The following TEX2 variants were observed in gnomAD, a reference collection of about 807,000 sequenced individuals.
TEX2 encodes the protein testis expressed 2, also known as testis-expressed protein 2.
In TEX2, 53 loss-of-function variants were observed where a neutral mutation model predicts 106.9. The ratio of observed to expected loss-of-function variants is 0.50; its 90% CI spans 0.40 to 0.62. The LOEUF (loss-of-function observed/expected upper bound fraction) is 0.62. Among genes scored for constraint, TEX2 ranks in the 20% least tolerant of loss-of-function variants. The pLI, the probability that TEX2 is intolerant of heterozygous loss-of-function variation, is 0.00. For missense variants in TEX2, 1,207 were observed against 1,379.0 expected, an observed-to-expected ratio of 0.88 and a Z score of 1.98; for synonymous variants, 523 against 534.8, an observed-to-expected ratio of 0.98 and a Z score of 0.30.
At chr17:64,244,669 C>T (rs1381357072) in intron 1 of TEX2, among the ~76,000 whole-genome samples, 1 of 152,190 alleles carries the variant, frequency 6.6e-6, no homozygotes, top group Non-Finnish European at 1.5e-5. Flanking sequence ...CCCCTGCCCC[C>T]TCAACAAACT....
At chr17:64,232,823 G>A (rs902811414) in intron 1 of TEX2, among the ~76,000 whole-genome samples, 3 of 152,212 alleles carry the variant, frequency 2.0e-5, no homozygotes, top group Non-Finnish European at 4.4e-5. Context: ...CATAGTTTCT[G>A]TTAAGCCTTT....
At position 64,213,742 on chromosome 17, in the gene TEX2, CT is replaced by C; in HGVS notation, c.475del (p.Ser159ValfsTer31). 6.2e-7 allele frequency: 1 copy of C among 1,614,082 alleles called. No homozygotes were observed. Among genetic ancestry groups the C allele is most frequent in the Non-Finnish European group, 8.5e-7 (1 of 1,180,024 alleles). On this transcript the variant is annotated frameshift_variant, in exon 2 of 12. Coordinates refer to ENST00000584379, the MANE Select transcript of TEX2 (RefSeq NM_001288732.2). LOFTEE classifies it high-confidence loss of function. The surrounding 1 kb of genome is among the most constrained non-coding windows in gnomAD (Gnocchi z 4.4). The part of the protein sequence containing the change: ...SVSSLSEQKT[S>X]SSSPLSSPSK... ...AGGAGAGGACAATGGGGAGGAAGAACTGGTTTTCTGCTCAGAAAGGGATGAC... is the reference window on the plus strand; with the variant it reads ...AGGAGAGGACAATGGGGAGGAAGAACGGTTTTCTGCTCAGAAAGGGATGAC...
At chr17:64,244,596 C>G (rs920489213) in intron 1 of TEX2, among the ~76,000 whole-genome samples, 8 of 152,138 alleles carry the variant, frequency 5.3e-5, no homozygotes, top group African/African-American at 1.9e-4. Flanking sequence ...CCCAGGCAAG[C>G]TTTTTTCTTC....
chr17:64,236,815 T>C (rs2033779258), intron 1 of TEX2, among the ~76,000 whole-genome samples: 1 of 152,214 alleles, frequency 6.6e-6, no homozygotes, highest in Non-Finnish European at 1.5e-5. Flanking sequence ...GCTCTCTTAA[T>C]TTCACAATTT....
At chr17:64,154,723 T>G in intron 9 of TEX2, 119 bp downstream of exon 9, 1 of 1,251,260 alleles carries the variant, frequency 8.0e-7, no homozygotes, top group South Asian at 1.9e-5. Context: ...AAAAAAACCA[T>G]CTACTCAACA....
In TEX2 at chr17:64,240,483, C is replaced by A. The variant is rs1489868076; in HGVS notation, c.-26+22685G>T. Among the ~76,000 whole-genome samples the A allele has an allele frequency of 1.3e-5, 2 of 152,090 alleles. 1 individual carries two copies. Among genetic ancestry groups the A allele is most frequent in the East Asian group, 3.8e-4 (2 of 5,198 alleles). On this transcript the variant is annotated intron_variant, in intron 1 of 11. Coordinates refer to ENST00000584379, the MANE Select transcript of TEX2 (RefSeq NM_001288732.2). ...GCTGTCCTCAGGCAGGTCAGACAGGCGCCTGGTGCAGTAGAAAGAGTATAT... is the reference window on the plus strand; with the variant it reads ...GCTGTCCTCAGGCAGGTCAGACAGGAGCCTGGTGCAGTAGAAAGAGTATAT...
At chr17:64,178,261 C>G (rs1437030610) in intron 5 of TEX2, among the ~76,000 whole-genome samples, 1 of 152,218 alleles carries the variant, frequency 6.6e-6, no homozygotes, top group African/African-American at 2.4e-5. Flanking sequence ...AATCATTAGA[C>G]TGTGCACTCT....
intron 1 of TEX2, among the ~76,000 whole-genome samples, chr17:64,230,001 G>C (rs1042743992): frequency 1.7e-4 from 26 of 152,166 alleles, no homozygotes; most frequent in African/African-American, 5.8e-4. Context: ...ACTTAACCTT[G>C]ATATAGGGCA....
At chr17:64,234,500 G>C (rs16947593) in intron 1 of TEX2, among the ~76,000 whole-genome samples, 20,562 of 152,092 alleles carry the variant, frequency 0.14, 1,832 homozygotes, top group African/African-American at 0.25. Flanking sequence ...GCAATTAGGA[G>C]CCCATTAAAT....
intron 1 of TEX2, among the ~76,000 whole-genome samples, chr17:64,240,442 G>A (rs1250256565): frequency 2.0e-5 from 3 of 152,230 alleles, no homozygotes; most frequent in Non-Finnish European, 1.5e-5. Flanking sequence ...GTTACGAAGA[G>A]GAGGGAGCAA....
intron 1 of TEX2, among the ~76,000 whole-genome samples, chr17:64,247,606 G>A (rs2034014981): frequency 6.6e-6 from 1 of 152,194 alleles, no homozygotes; most frequent in East Asian, 1.9e-4. Flanking sequence ...GATGCCCCGC[G>A]CGGGGAGCCT....
At chr17:64,214,825 T>C (rs1275766241) in intron 1 of TEX2, among the ~76,000 whole-genome samples, 3 of 152,236 alleles carry the variant, frequency 2.0e-5, no homozygotes, top group Non-Finnish European at 4.4e-5. Flanking sequence ...CTAATTGCCA[T>C]GGTCTGTTGG....
chr17:64,212,992 GCAGA>G lies in TEX2; in HGVS notation c.1222_1225del (p.Ser408ProfsTer2). On this transcript the variant is annotated frameshift_variant, in exon 2 of 12. Transcript: ENST00000584379. LOFTEE classifies it high-confidence loss of function. ...CTCTTCATCTTCTTTGCTCACTAAG[GCAGA>G]CAAAGAACATTTCTCCAGAACTAGA... 6.2e-7 allele frequency: 1 copy of G among 1,614,160 alleles called. No homozygotes were observed.
intron 7 of TEX2, among the ~76,000 whole-genome samples, chr17:64,166,398 G>A (rs2143698255): frequency 6.6e-6 from 1 of 152,316 alleles, no homozygotes; most frequent in South Asian, 2.1e-4. Context: ...CCCAAACACA[G>A]GTGACCTGGC....
intron 10 of TEX2, 40 bp downstream of exon 10, chr17:64,152,905 A>C: frequency 1.3e-6 from 2 of 1,589,178 alleles, no homozygotes; most frequent in South Asian, 2.3e-5. Flanking sequence ...GCCATGCAAT[A>C]GGAGGAATCA....
At position 64,147,681 on chromosome 17, in the gene TEX2, A is replaced by C. The variant is rs902000749; in HGVS notation, c.*1288T>G. The C allele has an allele frequency of 6.6e-6, 1 of 152,640 alleles. No homozygotes were observed. The highest frequency in any genetic ancestry group is 1.5e-5 in the Non-Finnish European group (1 of 68,030). The allele number at this position is 152,640 out of a possible 1,614,324, so 9.5% of individuals were successfully genotyped here. On this transcript the variant is annotated 3_prime_UTR_variant, in exon 12 of 12. Coordinates refer to ENST00000584379, the MANE Select transcript of TEX2 (RefSeq NM_001288732.2). ...GAACAGTACACCAACTGGAATGGTC[A>C]AACAATTTAAGTCAAATGTTTTAAT... is the stretch of plus-strand genomic sequence containing the variant.
chr17:64,240,506 T>G (rs1344273987), intron 1 of TEX2, among the ~76,000 whole-genome samples: 2 of 152,104 alleles, frequency 1.3e-5, no homozygotes, highest in Non-Finnish European at 2.9e-5. Context: ...AGAAAGAGTA[T>G]ATGCTTCCAA....
At chr17:64,262,404 C>T (rs534186990) in intron 1 of TEX2, among the ~76,000 whole-genome samples, 6 of 152,314 alleles carry the variant, frequency 3.9e-5, no homozygotes, top group African/African-American at 1.2e-4. Context: ...AAATCGTTTT[C>T]AAAAGGGGAA....
intron 8 of TEX2, among the ~76,000 whole-genome samples, chr17:64,156,760 C>A (rs1384653036): frequency 2.0e-5 from 3 of 152,194 alleles, no homozygotes; most frequent in Non-Finnish European, 4.4e-5. Flanking sequence ...CCCCACAGCA[C>A]AGGGAGCCTG....
Sources: gnomAD v4.1 joint callset for allele counts (sites outside exome capture counted in the v4.1 genomes callset) on GRCh38, gnomAD v4.1.1 for gene constraint, Gnocchi (gnomAD v3.1) non-coding constraint, MANE v1.5 for transcripts, NCBI Gene and HGNC (gene_info 2026-07-23, HGNC 2026-07-21) for gene names.